CHRNA9: variants seen among roughly 807,000 people sequenced by gnomAD.
CHRNA9 encodes cholinergic receptor nicotinic alpha 9 subunit.
In CHRNA9, 24 loss-of-function variants were observed where a neutral mutation model predicts 36.8. That is an observed-to-expected ratio of 0.65 (90% CI 0.47 to 0.92). The LOEUF (loss-of-function observed/expected upper bound fraction) is 0.92. CHRNA9 is among the 40% of genes least tolerant of loss of function. CHRNA9 has a pLI of 0.00. For missense variants in CHRNA9, 610 were observed against 601.2 expected (o/e 1.01, Z -0.15); for synonymous variants, 231 against 231.8 (o/e 1.00, Z 0.03).
chr4:40,348,360 T>G (rs1712695804), intron 3 of CHRNA9, among the ~76,000 whole-genome samples: 1 of 152,242 alleles, frequency 6.6e-6, no homozygotes. Flanking sequence ...AAGATATATC[T>G]GGAATAAGTG....
chr4:40,349,473 T>C, intron 4 of CHRNA9, 59 bp downstream of exon 4: 6 of 1,500,018 alleles, frequency 4.0e-6, no homozygotes, highest in Non-Finnish European at 5.4e-6. Context: ...GTCATGCCTT[T>C]AAGGTTGTGT....
rs574659063 is a variant in CHRNA9, at chr4:40,336,346, C to T, written c.210+374C>T. ...GCCAGTGAGTTCTTAATGATTACGGCGTTTCTTTGCGGGGGGAAGAAATGA... is the reference window on the plus strand; with the variant it reads ...GCCAGTGAGTTCTTAATGATTACGGTGTTTCTTTGCGGGGGGAAGAAATGA... On this transcript the variant is annotated intron_variant, in intron 2 of 4. Transcript: ENST00000310169. 7.9e-5 allele frequency among the ~76,000 whole-genome samples: 12 copies of T among 152,160 alleles called. No individual in the cohort carries two copies. The East Asian group carries it at 1.9e-3, about 24-fold the overall frequency.
intron 3 of CHRNA9, among the ~76,000 whole-genome samples, chr4:40,344,119 G>A (rs1409103301): frequency 6.6e-6 from 1 of 152,176 alleles, no homozygotes; most frequent in Non-Finnish European, 1.5e-5. Flanking sequence ...TCTAGAAGGT[G>A]GAAAAGGAAA....
At chr4:40,340,269 T>A (rs981488521) in intron 3 of CHRNA9, among the ~76,000 whole-genome samples, 1 of 152,174 alleles carries the variant, frequency 6.6e-6, no homozygotes, top group Non-Finnish European at 1.5e-5. Context: ...CTCCTTTTTG[T>A]TCCTCTGGTT....
rs368162518 is a variant in CHRNA9 at position 40,349,153 on chromosome 4, A to C, written c.637A>C (p.Asn213His). 34 of 1,614,010 alleles carry C rather than the reference A, an allele frequency of 2.1e-5. No homozygotes were observed. The Admixed American group carries it at 2.3e-4, about 11-fold the overall frequency. Residue 213 changes from asparagine to histidine, a missense_variant, in exon 4 of 5, where the codon AAT (asparagine) becomes CAT (histidine). Physicochemically the swap from Asn to His is moderately conservative, Grantham distance 68 (BLOSUM62 1). Transcript: ENST00000310169. The part of the protein sequence containing the change: ...WEVHGMPAVK[N>H]VISYGCCSEP... Reference sequence around the variant, plus strand: ...GGTCCATGGCATGCCCGCTGTGAAGAATGTGATCTCCTATGGCTGCTGCTC... The same window carrying C: ...GGTCCATGGCATGCCCGCTGTGAAGCATGTGATCTCCTATGGCTGCTGCTC...
chr4:40,337,153 A>G (rs1419361350), intron 2 of CHRNA9, 57 bp from the exon 3 acceptor site: 12 of 1,518,034 alleles, frequency 7.9e-6, no homozygotes, highest in African/African-American at 1.4e-5. Context: ...GTGTCCTATC[A>G]GTGGAAAACA....
chr4:40,343,364 A>C (rs1298754993), intron 3 of CHRNA9, among the ~76,000 whole-genome samples: 1 of 152,236 alleles, frequency 6.6e-6, no homozygotes, highest in Non-Finnish European at 1.5e-5. Context: ...GGCTGAAGGC[A>C]AATGAGGAGC....
chr4:40,337,321 C>T lies in CHRNA9; in HGVS notation c.322C>T (p.Pro108Ser). The change falls in exon 3 of 5, where the codon CCC (proline) becomes TCC (serine). Residue 108 changes from proline to serine, a missense_variant. Physicochemically the swap from Pro to Ser is moderately conservative, Grantham distance 74 (BLOSUM62 -1). Coordinates refer to ENST00000310169, the MANE Select transcript of CHRNA9 (RefSeq NM_017581.4). The stretch of plus-strand genomic sequence containing the variant: ...CGATGGCCTAGACTCCATCAGGATC[C>T]CCAGTGACCTCGTGTGGAGGCCAGA... The part of the protein sequence containing the change: ...QYDGLDSIRI[P>S]SDLVWRPDIV... 1 of 1,614,180 alleles carries T rather than the reference C, an allele frequency of 6.2e-7. No homozygotes were observed. Among genetic ancestry groups the T allele is most frequent in the Non-Finnish European group, 8.5e-7 (1 of 1,180,022 alleles).
At chr4:40,338,864 CT>C (rs1188894634) in intron 3 of CHRNA9, among the ~76,000 whole-genome samples, 53 of 119,024 alleles carry the variant, frequency 4.5e-4, no homozygotes, top group Non-Finnish European at 6.6e-4. Context: ...CTCTCTCTCT[CT>C]CTGTCTCTCT....
Position 40,335,348 on chromosome 4 carries a change from T to C in CHRNA9, c.-120T>C, listed in dbSNP as rs1449287441. The C allele has an allele frequency of 3.9e-6, 3 of 767,342 alleles. No homozygotes were observed. Among genetic ancestry groups the C allele is most frequent in the South Asian group, 1.5e-5 (1 of 64,820 alleles). The allele number at this position is 767,342 out of a possible 1,614,324, so 47.5% of individuals were successfully genotyped here. A position where few individuals can be genotyped will look rare whatever the true frequency, so the allele number is the denominator to read the frequency against. On this transcript the variant is annotated 5_prime_UTR_variant, in exon 1 of 5. Transcript: ENST00000310169. The stretch of plus-strand genomic sequence containing the variant: ...TCCTGCATGCAATGCAAGCCTGAGC[T>C]CTCCCGCCATAAGGCTGCAGCGGTG...
In CHRNA9 at chr4:40,335,985, T is replaced by G; in HGVS notation, c.210+13T>G. On this transcript the variant is annotated intron_variant, in intron 2 of 4. Transcript: ENST00000310169. ...GATTAAGGATATGGTGAGTAACACATGGTGCTGACTCTGTGGAATGATTCT... is the reference window on the plus strand; with the variant it reads ...GATTAAGGATATGGTGAGTAACACAGGGTGCTGACTCTGTGGAATGATTCT... 2 of 1,606,024 alleles carry G rather than the reference T, an allele frequency of 1.2e-6. No homozygotes were observed. Among genetic ancestry groups the G allele is most frequent in the Admixed American group, 1.7e-5 (1 of 59,820 alleles).
At chr4:40,353,770 G>C (rs1324856122) in intron 4 of CHRNA9, among the ~76,000 whole-genome samples, 1 of 152,182 alleles carries the variant, frequency 6.6e-6, no homozygotes, top group Non-Finnish European at 1.5e-5. Flanking sequence ...TTGTAGCCTA[G>C]AAGCAACAGG....
Position 40,350,631 on chromosome 4 carries a change from A to G in CHRNA9, c.898+1217A>G, listed in dbSNP as rs140402297. 2.8e-3 allele frequency among the ~76,000 whole-genome samples: 422 copies of G among 151,768 alleles called. 7 individuals carry two copies. Among genetic ancestry groups the G allele is most frequent in the Admixed American group, 0.024 (372 of 15,220 alleles). ...CTGAGTCCAGTTACCCAATATTGAG[A>G]TGATACTACAGTGGCTTCTCCATTT... On this transcript the variant is annotated intron_variant, in intron 4 of 4. Coordinates refer to ENST00000310169, the MANE Select transcript of CHRNA9 (RefSeq NM_017581.4).
Position 40,337,322 on chromosome 4 carries a change from C to G in CHRNA9, c.323C>G (p.Pro108Arg). 1 of 1,614,170 alleles carries G rather than the reference C, an allele frequency of 6.2e-7. No homozygotes were observed. Among genetic ancestry groups the G allele is most frequent in the Non-Finnish European group, 8.5e-7 (1 of 1,180,022 alleles). ...GATGGCCTAGACTCCATCAGGATCC[C>G]CAGTGACCTCGTGTGGAGGCCAGAC... is the stretch of plus-strand genomic sequence containing the variant. ...QYDGLDSIRI[P>R]SDLVWRPDIV... Residue 108 changes from proline (P) to arginine (R), a missense_variant, in exon 3 of 5, where the codon CCC becomes CGC. Pro to Arg is a moderately radical substitution (Grantham distance 103, BLOSUM62 -2). Coordinates refer to ENST00000310169, the MANE Select transcript of CHRNA9 (RefSeq NM_017581.4).
intron 3 of CHRNA9, among the ~76,000 whole-genome samples, chr4:40,339,187 G>GAA (rs1472937094): frequency 6.8e-6 from 1 of 146,276 alleles, no homozygotes; most frequent in East Asian, 2.0e-4. Context: ...GCTGAGGCAG[G>GAA]AAACTCACTT....
chr4:40,340,657 G>A (rs150937106), intron 3 of CHRNA9, among the ~76,000 whole-genome samples: 1 of 152,084 alleles, frequency 6.6e-6, no homozygotes, highest in Non-Finnish European at 1.5e-5. Context: ...ATAGGGTTAG[G>A]GGGTAGGTGA....
chr4:40,355,014 GT>G lies in CHRNA9; in HGVS notation c.*498del, dbSNP rs749116770. ...CATATCTCAAATAGTGGAATAAAAG[GT>G]TTTGTCCCATGTAAAGAAAGTCTAA... On this transcript the variant is annotated 3_prime_UTR_variant, in exon 5 of 5. Coordinates refer to ENST00000310169, the MANE Select transcript of CHRNA9 (RefSeq NM_017581.4). The G allele has an allele frequency of 6.5e-6, 1 of 153,654 alleles. No homozygotes were observed. Among genetic ancestry groups the G allele is most frequent in the Non-Finnish European group, 1.5e-5 (1 of 68,964 alleles). The allele number at this position is 153,654 out of a possible 1,614,324, so 9.5% of individuals were successfully genotyped here.
At position 40,335,585 on chromosome 4, in the gene CHRNA9, G is replaced by C. The variant is rs185007135; in HGVS notation, c.64+54G>C. The stretch of plus-strand genomic sequence containing the variant: ...TTGTCTCATCTGGGGCTATTGCTTT[G>C]GTGGGAGGTGGGGCAGGACAGGGAA... On this transcript the variant is annotated intron_variant, in intron 1 of 4. Coordinates refer to ENST00000310169, the MANE Select transcript of CHRNA9 (RefSeq NM_017581.4). 1,208 of 1,375,912 alleles carry C rather than the reference G, an allele frequency of 8.8e-4. 6 individuals carry two copies. In the African/African-American group the frequency reaches 0.013, roughly 15 times the overall value. 85.2% of individuals were successfully genotyped at this position (1,375,912 alleles called of 1,614,324 possible).
Position 40,349,124 on chromosome 4 carries a change from G to A in CHRNA9, c.608G>A (p.Trp203Ter), listed in dbSNP as rs1345918106. ...DLSDFIEDVE[W>*]EVHGMPAVKN... The stretch of plus-strand genomic sequence containing the variant: ...TCTGACTTCATTGAAGATGTGGAAT[G>A]GGAGGTCCATGGCATGCCCGCTGTG... Residue 203 changes from tryptophan (W) to a stop codon, truncating the protein, a stop_gained, in exon 4 of 5, where the codon TGG becomes TAG. Coordinates refer to ENST00000310169, the MANE Select transcript of CHRNA9 (RefSeq NM_017581.4). LOFTEE classifies it high-confidence loss of function. 2 of 1,614,080 alleles carry A rather than the reference G, an allele frequency of 1.2e-6. No individual in the cohort carries two copies. Among genetic ancestry groups the A allele is most frequent in the Non-Finnish European group, 1.7e-6 (2 of 1,180,042 alleles).
Sources: gnomAD v4.1 joint callset for allele counts (sites outside exome capture counted in the v4.1 genomes callset) on GRCh38, gnomAD v4.1.1 for gene constraint, MANE v1.5 for transcripts, NCBI Gene and HGNC (gene_info 2026-07-23, HGNC 2026-07-21) for gene names.